The following KANK1 variants were observed in gnomAD, a reference collection of about 807,000 sequenced individuals.
KANK1 encodes KN motif and ankyrin repeat domain-containing protein 1.
In KANK1, 109 loss-of-function variants were observed where a neutral mutation model predicts 106.2. That is an observed-to-expected ratio of 1.03 (90% CI 0.88 to 1.20). The LOEUF is 1.20. KANK1 is among the 50% of genes most tolerant of loss of function. KANK1 has a pLI of 0.00. For missense variants in KANK1, 2,399 were observed against 1,710.7 expected (o/e 1.40, Z -7.10); for synonymous variants, 873 against 652.2 (o/e 1.34, Z -5.16).
At chr9:512,252 T>TATAC (rs2059065280) in intron 1 of KANK1, among the ~76,000 whole-genome samples, 1 of 151,714 alleles carries the variant, frequency 6.6e-6, no homozygotes, top group African/African-American at 2.4e-5. Flanking sequence ...TGTGTGTGTA[T>TATAC]GTATATACAC....
chr9:639,799 A>T (rs890050838), intron 1 of KANK1, among the ~76,000 whole-genome samples: 1 of 152,216 alleles, frequency 6.6e-6, no homozygotes, highest in South Asian at 2.1e-4. Context: ...TCCAAGATCA[A>T]GATGACAGCA....
Position 552,335 on chromosome 9 carries a change from A to T in KANK1, c.-84+47581A>T, listed in dbSNP as rs951192502. Among the ~76,000 whole-genome samples, 5 of 152,198 alleles carry T rather than the reference A, an allele frequency of 3.3e-5. No individual in the cohort carries two copies. The South Asian group carries it at 1.0e-3, about 32-fold the overall frequency. On this transcript the variant is annotated intron_variant, in intron 1 of 11. Transcript: ENST00000382297. ...ATTAGGAGGTTCCAAGGACCTGCCT[A>T]ACTAAGGTCAGTTAGCCGGTGATTG...
Position 676,508 on chromosome 9 carries a change from T to A in KANK1, c.-83-382T>A, listed in dbSNP as rs10123352. 6.1e-3 allele frequency among the ~76,000 whole-genome samples: 936 copies of A among 152,314 alleles called. 14 individuals are homozygous for A. Among genetic ancestry groups the A allele is most frequent in the African/African-American group, 0.022 (913 of 41,562 alleles). ...TAATTGCTTTGAAATTGCAGTTGAA[T>A]AAATGAACTTTTTGAACCAGAATTT... On this transcript the variant is annotated intron_variant, in intron 1 of 11. Transcript: ENST00000382297.
chr9:653,377 G>C (rs746164563), intron 1 of KANK1, among the ~76,000 whole-genome samples: 3 of 152,044 alleles, frequency 2.0e-5, no homozygotes, highest in Non-Finnish European at 4.4e-5. Flanking sequence ...GTTCTCACAA[G>C]CAGTTTTTAA....
chr9:504,465 C>G (rs960658607), upstream of KANK1, among the ~76,000 whole-genome samples: 4 of 151,692 alleles, frequency 2.6e-5, no homozygotes, highest in Non-Finnish European at 5.9e-5. Context: ...AGCGCCCCCG[C>G]GGGGAGCCGG....
At position 734,778 on chromosome 9, in the gene KANK1, A is replaced by T; in HGVS notation, c.3276A>T (p.Ala1092=). The T allele has an allele frequency of 6.2e-7, 1 of 1,613,524 alleles. No homozygotes were observed. Among genetic ancestry groups the T allele is most frequent in the South Asian group, 1.1e-5 (1 of 91,062 alleles). ...RYELSEKMLS[A]CNLLKNTIND... ...AATTAAGTGAAAAGATGTTGTCTGC[A>T]TGCAACTTACTGAAAAATACTATAA... The change falls in exon 7 of 12, where the codon GCA becomes GCT. Residue 1092 remains alanine, a synonymous_variant. Coordinates refer to ENST00000382297, the MANE Select transcript of KANK1 (RefSeq NM_015158.5).
At chr9:692,714 GA>G (rs34071572) in intron 2 of KANK1, among the ~76,000 whole-genome samples, 105,921 of 147,920 alleles carry the variant, frequency 0.72, 38,257 homozygotes, top group Middle Eastern at 0.81. Flanking sequence ...TTCTGCTTTT[GA>G]AAAAAAAAAA....
At chr9:683,682 G>A (rs1588887683) in intron 2 of KANK1, among the ~76,000 whole-genome samples, 1 of 152,116 alleles carries the variant, frequency 6.6e-6, no homozygotes, top group Non-Finnish European at 1.5e-5. Context: ...AAAATAAAAC[G>A]TCCTCCCTGA....
At chr9:706,997 G>A (rs1824418713) in intron 2 of KANK1, 1 of 985,346 alleles carries the variant, frequency 1.0e-6, no homozygotes, top group Admixed American at 6.1e-5. Context: ...CCGGTTTCCT[G>A]TTTTCATTAA....
chr9:527,692 G>T, intron 1 of KANK1, among the ~76,000 whole-genome samples: 2 of 148,948 alleles, frequency 1.3e-5, no homozygotes, highest in Non-Finnish European at 1.5e-5. Context: ...TATCTAAATT[G>T]TCTTTTTTTT....
At chr9:531,396 A>G (rs1329380) in intron 1 of KANK1, among the ~76,000 whole-genome samples, 32,469 of 152,112 alleles carry the variant, frequency 0.21, 3,875 homozygotes, top group East Asian at 0.38. Context: ...GTACCCCTAC[A>G]CTCCATCCTG....
intron 1 of KANK1, among the ~76,000 whole-genome samples, chr9:564,767 C>T (rs1760084370): frequency 6.6e-6 from 1 of 152,216 alleles, no homozygotes; most frequent in Non-Finnish European, 1.5e-5. Context: ...CTCTGTGCTT[C>T]TTAATTCATA....
intron 1 of KANK1, among the ~76,000 whole-genome samples, chr9:611,217 C>T (rs1344609154): frequency 6.6e-6 from 1 of 152,172 alleles, no homozygotes. Context: ...GTCCAGCCCA[C>T]AGCTTTCTAC....
intron 1 of KANK1, among the ~76,000 whole-genome samples, chr9:672,838 G>T (rs1815502565): frequency 6.6e-6 from 1 of 152,112 alleles, no homozygotes; most frequent in South Asian, 2.1e-4. Flanking sequence ...TAGACACAAA[G>T]ACAAATTCTT....
At chr9:742,605 G>C (rs1472553438) in intron 10 of KANK1, among the ~76,000 whole-genome samples, 200 bp downstream of exon 10, 1 of 152,102 alleles carries the variant, frequency 6.6e-6, no homozygotes, top group Non-Finnish European at 1.5e-5. Flanking sequence ...TCATAAACTA[G>C]TACCCAAAGC....
chr9:731,047 A>G (rs539837520), intron 4 of KANK1, 111 bp from the exon 5 acceptor site: 62 of 514,300 alleles, frequency 1.2e-4, no homozygotes, highest in African/African-American at 1.2e-3. Flanking sequence ...TCTCACATAT[A>G]TATGCCAAGA....
rs539567198 is a variant in KANK1, at chr9:656,382, A to G, written c.-83-20508A>G. The stretch of plus-strand genomic sequence containing the variant: ...GCTGAACATGGCAGAAGTGGTTGAT[A>G]TTTGAATTAGAGGCTATGAAAGTGT... On this transcript the variant is annotated intron_variant, in intron 1 of 11. Coordinates refer to ENST00000382297, the MANE Select transcript of KANK1 (RefSeq NM_015158.5). 2.6e-5 allele frequency among the ~76,000 whole-genome samples: 4 copies of G among 152,248 alleles called. No homozygotes were observed. In the South Asian group the frequency reaches 8.3e-4, roughly 32 times the overall value.
At chr9:736,161 T>G (rs928415097) in intron 7 of KANK1, among the ~76,000 whole-genome samples, 9 of 152,142 alleles carry the variant, frequency 5.9e-5, no homozygotes, top group Non-Finnish European at 1.0e-4. Context: ...GGTTTCACCG[T>G]GTTAGTCAGG....
chr9:728,621 A>G (rs1831375076), intron 3 of KANK1, among the ~76,000 whole-genome samples: 1 of 152,152 alleles, frequency 6.6e-6, no homozygotes, highest in African/African-American at 2.4e-5. Context: ...AGAGTCTGGT[A>G]CCTATTTAGG....
Sources: gnomAD v4.1 joint callset for allele counts (sites outside exome capture counted in the v4.1 genomes callset) on GRCh38, gnomAD v4.1.1 for gene constraint, MANE v1.5 for transcripts, NCBI Gene and HGNC (gene_info 2026-07-23, HGNC 2026-07-21) for gene names.